RPL23: variants seen among roughly 807,000 people sequenced by gnomAD.
The protein encoded by RPL23 is large ribosomal subunit protein uL14.
For missense variants in RPL23, 79 were observed against 178.8 expected (o/e 0.44, Z 3.18); for synonymous variants, 63 against 65.3 (o/e 0.97, Z 0.17).
At position 38,847,888 on chromosome 17, in the gene RPL23, C is replaced by G; in HGVS notation, c.*2244G>C. The G allele has an allele frequency of 1.3e-6, 2 of 1,487,374 alleles. No homozygotes were observed. Among genetic ancestry groups the G allele is most frequent in the Non-Finnish European group, 1.8e-6 (2 of 1,117,898 alleles). 92.1% of individuals were successfully genotyped at this position (1,487,374 alleles called of 1,614,324 possible). A position where few individuals can be genotyped will look rare whatever the true frequency, so the allele number is the denominator to read the frequency against. ...AGTGTAAATATAAAGTTTTTTAATC[C>G]AAGTCAAAAAAAATCTCCAAAGAAT... On this transcript the variant is annotated 3_prime_UTR_variant, in exon 5 of 5. Transcript: ENST00000479035.
intron 3 of RPL23, chr17:38,850,954 G>A (rs1912984696): frequency 6.5e-6 from 1 of 153,072 alleles, no homozygotes; most frequent in South Asian, 2.0e-4. Flanking sequence ...TCCTGGCAAT[G>A]AGCAGAGACC....
intron 3 of RPL23, 54 bp downstream of exon 3, chr17:38,852,550 G>T (rs200987334): frequency 4.4e-6 from 7 of 1,588,630 alleles, no homozygotes; most frequent in East Asian, 2.2e-5. Context: ...TCCAATAAAG[G>T]AAAGCGTCCC....
At position 38,848,123 on chromosome 17, in the gene RPL23, T is replaced by C; in HGVS notation, c.*2009A>G. The C allele has an allele frequency of 6.9e-7, 1 of 1,441,590 alleles. No homozygotes were observed. Among genetic ancestry groups the C allele is most frequent in the Non-Finnish European group, 9.1e-7 (1 of 1,096,106 alleles). 89.3% of individuals were successfully genotyped at this position (1,441,590 alleles called of 1,614,324 possible). On this transcript the variant is annotated 3_prime_UTR_variant, in exon 5 of 5. Coordinates refer to ENST00000479035, the MANE Select transcript of RPL23 (RefSeq NM_000978.4). ...GTGGTTAATATATAAGGATCATATA[T>C]TGCCATAATATATAAAGACATAAAT...
At position 38,847,906 on chromosome 17, in the gene RPL23, C is replaced by T. The variant is rs1303201795; in HGVS notation, c.*2226G>A. On this transcript the variant is annotated 3_prime_UTR_variant, in exon 5 of 5. Coordinates refer to ENST00000479035, the MANE Select transcript of RPL23 (RefSeq NM_000978.4). Reference sequence around the variant, plus strand: ...TTTAATCCAAGTCAAAAAAAATCTCCAAAGAATAAAATGTGAGGTGGGATG... The same window carrying T: ...TTTAATCCAAGTCAAAAAAAATCTCTAAAGAATAAAATGTGAGGTGGGATG... The T allele has an allele frequency of 3.3e-6, 5 of 1,498,694 alleles. No individual in the cohort carries two copies. Among genetic ancestry groups the T allele is most frequent in the Non-Finnish European group, 4.4e-6 (5 of 1,125,020 alleles). The allele number at this position is 1,498,694 out of a possible 1,614,324, so 92.8% of individuals were successfully genotyped here. A position where few individuals can be genotyped will look rare whatever the true frequency, so the allele number is the denominator to read the frequency against.
At chr17:38,853,484 A>C (rs999403289) in intron 1 of RPL23, 3 of 723,848 alleles carry the variant, frequency 4.1e-6, no homozygotes, top group Non-Finnish European at 7.7e-6. Context: ...CGCGGTATCC[A>C]GACTACATTC....
rs1345404375 is a variant in RPL23 at position 38,848,174 on chromosome 17, A to C, written c.*1958T>G. On this transcript the variant is annotated 3_prime_UTR_variant, in exon 5 of 5. Coordinates refer to ENST00000479035, the MANE Select transcript of RPL23 (RefSeq NM_000978.4). ...GGTGGGCCTAGGGGCTTGTCACACT[A>C]AAGCTGACTTGAAATTGACCATACT... is the stretch of plus-strand genomic sequence containing the variant. 2 of 1,171,246 alleles carry C rather than the reference A, an allele frequency of 1.7e-6. No homozygotes were observed. Among genetic ancestry groups the C allele is most frequent in the Non-Finnish European group, 2.2e-6 (2 of 903,886 alleles). The allele number at this position is 1,171,246 out of a possible 1,614,324, so 72.6% of individuals were successfully genotyped here.
At position 38,852,652 on chromosome 17, in the gene RPL23, T is replaced by C; in HGVS notation, c.178A>G (p.Met60Val). Residue 60 changes from methionine to valine, a missense_variant, in exon 3 of 5, where the codon ATG becomes GTG. By Grantham distance (21) the Met-to-Val change is conservative (BLOSUM62 1). Transcript: ENST00000479035. ...CCTTTCTTGACTGTGGCCATCACCA[T>C]GTCACCCACACCAGCAGCGGGAAGT... ...NRLPAAGVGDMVMATVKKGKP... is the reference protein window; with the variant it reads ...NRLPAAGVGDVVMATVKKGKP... 2 of 1,613,288 alleles carry C rather than the reference T, an allele frequency of 1.2e-6. No homozygotes were observed. The highest frequency in any genetic ancestry group is 1.7e-6 in the Non-Finnish European group (2 of 1,180,038).
At chr17:38,853,403 G>T (rs953043308) in intron 1 of RPL23, 50 of 712,144 alleles carry the variant, frequency 7.0e-5, no homozygotes, top group Admixed American at 3.8e-4. Flanking sequence ...AACCGCAGAG[G>T]TCGCGCAAAC....
Position 38,848,330 on chromosome 17 carries a change from C to T in RPL23, c.*1802G>A, listed in dbSNP as rs895295592. On this transcript the variant is annotated 3_prime_UTR_variant, in exon 5 of 5. Coordinates refer to ENST00000479035, the MANE Select transcript of RPL23 (RefSeq NM_000978.4). ...CTCAGCTCACTGCAACCTCCATCTC[C>T]GGGGTTCAAGCAATTCTCCTGCCTC... is the stretch of plus-strand genomic sequence containing the variant. 1.0e-3 allele frequency: 227 copies of T among 225,662 alleles called. 3 individuals carry two copies. The highest frequency in any genetic ancestry group is 4.1e-4 in the Non-Finnish European group (48 of 116,538). 14.0% of individuals were successfully genotyped at this position (225,662 alleles called of 1,614,324 possible). A position where few individuals can be genotyped will look rare whatever the true frequency, so the allele number is the denominator to read the frequency against.
intron 3 of RPL23, chr17:38,851,929 C>T (rs572660699): frequency 3.3e-5 from 5 of 152,288 alleles, no homozygotes; most frequent in Admixed American, 2.0e-4. Flanking sequence ...AAAGTGCAAG[C>T]GCTGAAGTTA....
rs375644567 is a variant in RPL23 at position 38,853,485 on chromosome 17, G to C, written c.13+213C>G. The C allele has an allele frequency of 7.1e-4, 515 of 724,618 alleles. 4 individuals carry two copies. The East Asian group carries it at 9.4e-3, about 13-fold the overall frequency. 44.9% of individuals were successfully genotyped at this position (724,618 alleles called of 1,614,324 possible). A position where few individuals can be genotyped will look rare whatever the true frequency, so the allele number is the denominator to read the frequency against. ...TCGCGGAGCGATCTCGCGGTATCCA[G>C]ACTACATTCACGTCGGGATCCTGCC... On this transcript the variant is annotated intron_variant, in intron 1 of 4. Transcript: ENST00000479035.
chr17:38,852,963 G>A (rs1193687261), intron 2 of RPL23, 59 bp downstream of exon 2: 6 of 1,511,648 alleles, frequency 4.0e-6, no homozygotes, highest in Non-Finnish European at 5.5e-6. Context: ...TAGGTCATTA[G>A]CCACAGGCCC....
At position 38,848,201 on chromosome 17, in the gene RPL23, A is replaced by G. The variant is rs201460787; in HGVS notation, c.*1931T>C. 380 of 928,404 alleles carry G rather than the reference A, an allele frequency of 4.1e-4. 4 individuals are homozygous for G. In the East Asian group the frequency reaches 8.5e-3, roughly 21 times the overall value. The allele number at this position is 928,404 out of a possible 1,614,324, so 57.5% of individuals were successfully genotyped here. ...AGCTGACTTGAAATTGACCATACTC[A>G]GGGATGTTATGGTGTAACTCTCTAA... On this transcript the variant is annotated 3_prime_UTR_variant, in exon 5 of 5. Coordinates refer to ENST00000479035, the MANE Select transcript of RPL23 (RefSeq NM_000978.4).
At position 38,849,797 on chromosome 17, in the gene RPL23, A is replaced by C. The variant is rs201208076; in HGVS notation, c.*335T>G. ...TGCTGAAAGTCTGCAAACTCACAAAAAAGCAAGGATTGCTTTAAAAAAAAA... is the reference window on the plus strand; with the variant it reads ...TGCTGAAAGTCTGCAAACTCACAAACAAGCAAGGATTGCTTTAAAAAAAAA... On this transcript the variant is annotated 3_prime_UTR_variant, in exon 5 of 5. Transcript: ENST00000479035. The C allele has an allele frequency of 1.3e-4, 25 of 198,912 alleles. No homozygotes were observed. The East Asian group carries it at 3.1e-3, about 25-fold the overall frequency. The allele number at this position is 198,912 out of a possible 1,614,324, so 12.3% of individuals were successfully genotyped here. A position where few individuals can be genotyped will look rare whatever the true frequency, so the allele number is the denominator to read the frequency against.
rs1912966273 is a variant in RPL23, at chr17:38,850,390, G to A, written c.312C>T (p.Val104=). ...TCATCTCGCCTTTATTGTTCACTATGACTCCTGCATTATCTTCAAAATAAA... is the reference window on the plus strand; with the variant it reads ...TCATCTCGCCTTTATTGTTCACTATAACTCCTGCATTATCTTCAAAATAAA... The part of the protein sequence containing the change: ...VFLYFEDNAG[V]IVNNKGEMKG... Residue 104 remains valine, a synonymous_variant, in exon 4 of 5, where the codon GTC becomes GTT. Transcript: ENST00000479035. 22 of 1,613,700 alleles carry A rather than the reference G, an allele frequency of 1.4e-5. No homozygotes were observed. Among genetic ancestry groups the A allele is most frequent in the Non-Finnish European group, 1.8e-5 (21 of 1,179,880 alleles).
chr17:38,851,224 C>T (rs1219114222), intron 3 of RPL23: 2 of 152,170 alleles, frequency 1.3e-5, no homozygotes, highest in East Asian at 1.9e-4. Flanking sequence ...GGTCCTTACA[C>T]AGAATTTTTA....
chr17:38,853,319 C>T (rs1029170067), intron 1 of RPL23: 2 of 655,164 alleles, frequency 3.1e-6, no homozygotes, highest in Non-Finnish European at 5.6e-6. Context: ...ACTCTGACAT[C>T]GAAATTAAGA....
At chr17:38,853,552 T>C in intron 1 of RPL23, 146 bp downstream of exon 1, 1 of 950,688 alleles carries the variant, frequency 1.1e-6, no homozygotes, top group South Asian at 1.3e-5. Context: ...TCGAGGGCCC[T>C]GGCAGTGCTC....
At position 38,848,087 on chromosome 17, in the gene RPL23, A is replaced by G; in HGVS notation, c.*2045T>C. The G allele has an allele frequency of 6.5e-7, 1 of 1,528,276 alleles. No individual in the cohort carries two copies. The highest frequency in any genetic ancestry group is 8.8e-7 in the Non-Finnish European group (1 of 1,138,960). 94.7% of individuals were successfully genotyped at this position (1,528,276 alleles called of 1,614,324 possible). A position where few individuals can be genotyped will look rare whatever the true frequency, so the allele number is the denominator to read the frequency against. On this transcript the variant is annotated 3_prime_UTR_variant, in exon 5 of 5. Transcript: ENST00000479035. Reference sequence around the variant, plus strand: ...CTCAGAAAAGATAACATTCAAAAACAGCAGCGATTAGTGGTTAATATATAA... The same window carrying G: ...CTCAGAAAAGATAACATTCAAAAACGGCAGCGATTAGTGGTTAATATATAA...
Sources: gnomAD v4.1 joint callset for allele counts on GRCh38, gnomAD v4.1.1 for gene constraint, MANE v1.5 for transcripts, NCBI Gene and HGNC (gene_info 2026-07-23, HGNC 2026-07-21) for gene names.